Variants in PCDH15 observed in about 807,000 individuals in gnomAD.
PCDH15 encodes the protein protocadherin-15.
PCDH15 carries 129 observed loss-of-function variants against 178.5 expected under a neutral mutation model. The ratio of observed to expected loss-of-function variants is 0.72; its 90% CI spans 0.63 to 0.84. The LOEUF (loss-of-function observed/expected upper bound fraction) is 0.84. Among genes scored for constraint, PCDH15 ranks in the 40% least tolerant of loss-of-function variants. The probability of loss-of-function intolerance (pLI) is 0.00; values close to 1 mark genes in which losing one functional copy is unlikely to be tolerated. For missense variants in PCDH15, 2,230 were observed against 2,099.9 expected (o/e 1.06, Z -1.21); for synonymous variants, 800 against 732.0 (o/e 1.09, Z -1.50).
At chr10:54,223,169 G>A (rs566905462) in intron 9 of PCDH15, among the ~76,000 whole-genome samples, 1 of 151,954 alleles carries the variant, frequency 6.6e-6, no homozygotes, top group South Asian at 2.1e-4. Flanking sequence ...GAATCAGCCA[G>A]GCATGGTGGC....
At chr10:55,365,705 G>A (rs986846358) in intron 2 of PCDH15, among the ~76,000 whole-genome samples, 1 of 152,058 alleles carries the variant, frequency 6.6e-6, no homozygotes, top group Non-Finnish European at 1.5e-5. Flanking sequence ...CTCTTCTCTT[G>A]TTTGCCGCAA....
chr10:54,223,720 T>C lies in PCDH15; in HGVS notation c.986-9672A>G, dbSNP rs532545145. Among the ~76,000 whole-genome samples the C allele has an allele frequency of 3.9e-5, 6 of 151,980 alleles. No individual in the cohort carries two copies. In the South Asian group the frequency reaches 1.2e-3, roughly 32 times the overall value. The stretch of plus-strand genomic sequence containing the variant: ...ACTTAATCTTTCAATAATTTTTATT[T>C]AGAGCAAAGAATCAGAAGATGGATG... On this transcript the variant is annotated intron_variant, in intron 9 of 37. Transcript: ENST00000644397.
chr10:53,892,603 T>C (rs1319645150), intron 26 of PCDH15, among the ~76,000 whole-genome samples: 2 of 152,146 alleles, frequency 1.3e-5, no homozygotes, highest in East Asian at 3.9e-4. Flanking sequence ...ATAGACTTCA[T>C]CTTGTCCACT....
chr10:54,728,492 G>C (rs573112291), intron 1 of PCDH15, among the ~76,000 whole-genome samples: 1 of 150,574 alleles, frequency 6.6e-6, no homozygotes, highest in East Asian at 2.0e-4. Context: ...ATACTGAATC[G>C]GCACATGCTG....
At chr10:54,425,841 T>C (rs989502394) in intron 3 of PCDH15, among the ~76,000 whole-genome samples, 1 of 152,088 alleles carries the variant, frequency 6.6e-6, no homozygotes, top group African/African-American at 2.4e-5. Context: ...TTTTTCAAAA[T>C]TTTGATTTAG....
intron 24 of PCDH15, among the ~76,000 whole-genome samples, chr10:53,940,165 T>C (rs1227775831): frequency 6.6e-6 from 1 of 151,414 alleles, no homozygotes; most frequent in Non-Finnish European, 1.5e-5. Context: ...ATTTCCTGAC[T>C]ACCTACAATA....
Position 53,822,010 on chromosome 10 carries a change from T to C in PCDH15, c.4368-1780A>G, listed in dbSNP as rs768260331. 18 of 1,613,892 alleles carry C rather than the reference T, an allele frequency of 1.1e-5. No homozygotes were observed. Among genetic ancestry groups the C allele is most frequent in the Middle Eastern group, 1.6e-4 (1 of 6,080 alleles). On this transcript the variant is annotated intron_variant, in intron 32 of 37. Transcript: ENST00000644397. ...TCTGAAACATTTGTGCGTAGATAGTTTTTTTCTATTTGACTGTACATGTTA... is the reference window on the plus strand; with the variant it reads ...TCTGAAACATTTGTGCGTAGATAGTCTTTTTCTATTTGACTGTACATGTTA...
At chr10:54,968,595 G>T (rs1387131510) in intron 2 of PCDH15, among the ~76,000 whole-genome samples, 2 of 151,986 alleles carry the variant, frequency 1.3e-5, no homozygotes, top group Admixed American at 1.3e-4. Flanking sequence ...TTTTTATTAT[G>T]ATGTGTCTTA....
chr10:55,414,504 C>T (rs185747683), intron 2 of PCDH15, among the ~76,000 whole-genome samples: 63 of 151,702 alleles, frequency 4.2e-4, no homozygotes, highest in African/African-American at 1.5e-3. Flanking sequence ...AGTATTAATT[C>T]TTCCATGAAC....
intron 1 of PCDH15, among the ~76,000 whole-genome samples, chr10:54,800,548 A>C (rs7910461): frequency 1 from 151,656 of 152,240 alleles, 75,541 homozygotes; most frequent in Middle Eastern, 1. Flanking sequence ...AAAAACAAAA[A>C]GTCAATTCTG....
chr10:54,983,656 C>A (rs753973785), intron 2 of PCDH15, among the ~76,000 whole-genome samples: 1 of 152,086 alleles, frequency 6.6e-6, no homozygotes, highest in African/African-American at 2.4e-5. Context: ...ATAACCTTAG[C>A]AGTTCATGTT....
chr10:55,138,907 G>T (rs1838275196), intron 2 of PCDH15, among the ~76,000 whole-genome samples: 1 of 151,972 alleles, frequency 6.6e-6, no homozygotes, highest in African/African-American at 2.4e-5. Context: ...CCAGTATAAT[G>T]TTGAGATTTA....
At chr10:54,140,417 G>A (rs2043287545) in intron 14 of PCDH15, among the ~76,000 whole-genome samples, 1 of 151,100 alleles carries the variant, frequency 6.6e-6, no homozygotes, top group East Asian at 1.9e-4. Context: ...ACACTGTAAA[G>A]CCAAAGTTAA....
intron 2 of PCDH15, among the ~76,000 whole-genome samples, chr10:55,073,830 T>G (rs1416629505): frequency 1.3e-5 from 2 of 152,068 alleles, no homozygotes; most frequent in Non-Finnish European, 2.9e-5. Flanking sequence ...ACTACTTCTT[T>G]TAAGTACTAC....
chr10:53,878,848 T>A (rs1418105609), intron 26 of PCDH15, among the ~76,000 whole-genome samples: 2 of 152,138 alleles, frequency 1.3e-5, no homozygotes, highest in African/African-American at 4.8e-5. Flanking sequence ...ATTGAAAGAT[T>A]TGAGTTTAGT....
At chr10:54,889,889 C>T (rs1954429381) in intron 3 of PCDH15, among the ~76,000 whole-genome samples, 1 of 151,788 alleles carries the variant, frequency 6.6e-6, no homozygotes, top group Admixed American at 6.6e-5. Flanking sequence ...TACTTCCTTA[C>T]CAAATATCAC....
intron 2 of PCDH15, among the ~76,000 whole-genome samples, chr10:55,395,664 G>A (rs1270369384): frequency 6.6e-6 from 1 of 151,988 alleles, no homozygotes; most frequent in Non-Finnish European, 1.5e-5. Flanking sequence ...AAGCAGGTAA[G>A]CAAGTTTGGA....
At chr10:55,348,635 G>T (rs1346211459) in intron 2 of PCDH15, among the ~76,000 whole-genome samples, 1 of 152,098 alleles carries the variant, frequency 6.6e-6, no homozygotes, top group Non-Finnish European at 1.5e-5. Flanking sequence ...AATATAAGAA[G>T]ACTATCTTGG....
chr10:54,073,131 G>T (rs2094277899), intron 17 of PCDH15, among the ~76,000 whole-genome samples: 1 of 151,436 alleles, frequency 6.6e-6, no homozygotes, highest in African/African-American at 2.4e-5. Context: ...ATATATGTAT[G>T]TGTGTATGTA....
Sources: allele counts gnomAD v4.1 joint callset (sites outside exome capture counted in the v4.1 genomes callset), GRCh38; gene constraint gnomAD v4.1.1; transcripts MANE v1.5; gene names NCBI Gene and HGNC (gene_info 2026-07-23, HGNC 2026-07-21).